IRAG2: variants seen among roughly 807,000 people sequenced by gnomAD.
IRAG2 encodes the protein inositol 1,4,5-triphosphate receptor associated 2, also known as lymphoid restricted membrane protein.
A neutral mutation model predicts 69.9 loss-of-function variants in IRAG2; 45 were observed. The observed-to-expected ratio is 0.64, with a 90% CI of 0.51 to 0.83. The LOEUF (loss-of-function observed/expected upper bound fraction) is 0.83. Among genes scored for constraint, IRAG2 ranks in the 40% least tolerant of loss-of-function variants. The probability of loss-of-function intolerance (pLI) is 0.00; values close to 1 mark genes in which losing one functional copy is unlikely to be tolerated. For missense variants in IRAG2, 520 were observed against 587.0 expected (o/e 0.89, Z 1.18); for synonymous variants, 193 against 202.4 (o/e 0.95, Z 0.40).
intron 14 of IRAG2, chr12:25,092,927 A>C (rs1011588414): frequency 6.4e-6 from 1 of 155,168 alleles, no homozygotes; most frequent in Non-Finnish European, 1.5e-5. Flanking sequence ...TGGTGGCTCT[A>C]ACCAAAGCAG....
upstream of IRAG2, among the ~76,000 whole-genome samples, chr12:25,049,241 C>A (rs905559925): frequency 2.0e-5 from 3 of 152,072 alleles, no homozygotes; most frequent in Non-Finnish European, 4.4e-5. Context: ...TTTTTTGATT[C>A]CATATGAATT....
intron 2 of IRAG2, among the ~76,000 whole-genome samples, chr12:25,006,989 G>A (rs1222069119): frequency 6.6e-6 from 1 of 152,168 alleles, no homozygotes; most frequent in African/African-American, 2.4e-5. Flanking sequence ...CTGTTTCCCT[G>A]AGTAACCATT....
chr12:25,084,507 T>C (rs1947439575), intron 10 of IRAG2, among the ~76,000 whole-genome samples: 1 of 151,970 alleles, frequency 6.6e-6, no homozygotes, highest in Non-Finnish European at 1.5e-5. Flanking sequence ...GCTTATGTCT[T>C]GCTTATGTCT....
At chr12:25,069,492 A>G (rs779630074) in intron 6 of IRAG2, 61 bp downstream of exon 6, 75 of 1,389,920 alleles carry the variant, frequency 5.4e-5, no homozygotes, top group African/African-American at 1.1e-4. Flanking sequence ...TTCTTCTTCT[A>G]TGGGTATTCT....
chr12:25,037,409 C>G (rs1171906658), intron 15 of IRAG2, among the ~76,000 whole-genome samples: 1 of 152,096 alleles, frequency 6.6e-6, no homozygotes, highest in Non-Finnish European at 1.5e-5. Flanking sequence ...AGTGATTCTC[C>G]TGCCTCAGAC....
intron 8 of IRAG2, among the ~76,000 whole-genome samples, chr12:25,025,666 CA>C (rs1278510733): frequency 1.3e-5 from 2 of 152,110 alleles, no homozygotes; most frequent in Non-Finnish European, 2.9e-5. Context: ...GCAGGAAGAC[CA>C]ATTAAGAGGT....
At chr12:25,042,503 G>C (rs1296525260) in intron 16 of IRAG2, among the ~76,000 whole-genome samples, 1 of 151,988 alleles carries the variant, frequency 6.6e-6, no homozygotes, top group Non-Finnish European at 1.5e-5. Flanking sequence ...GTCTCGCTCT[G>C]TCGCCAGGGT....
chr12:25,100,746 T>A (rs542593382), intron 15 of IRAG2: 1 of 153,094 alleles, frequency 6.5e-6, no homozygotes, highest in Admixed American at 6.5e-5. Flanking sequence ...GATATCCAAC[T>A]GTATGTAGTC....
At chr12:25,026,187 A>C (rs977255681) in intron 8 of IRAG2, among the ~76,000 whole-genome samples, 6 of 152,168 alleles carry the variant, frequency 3.9e-5, no homozygotes, top group African/African-American at 1.4e-4. Context: ...ATTTAGGTAA[A>C]AGGCAGTATA....
At chr12:25,033,653 C>T (rs1479750823) in intron 12 of IRAG2, 4 of 376,556 alleles carry the variant, frequency 1.1e-5, no homozygotes, top group Non-Finnish European at 1.9e-5. Context: ...TGTATGACCT[C>T]CTAGACTCAC....
At chr12:25,089,999 A>T in intron 13 of IRAG2, 58 bp from the exon 14 acceptor site, 1 of 1,555,414 alleles carries the variant, frequency 6.4e-7, no homozygotes, top group Non-Finnish European at 8.8e-7. Context: ...AAACTGAAAC[A>T]TCTGACCACA....
chr12:25,077,266 A>AATATATATATGATATATATATG (rs57883311), intron 6 of IRAG2, among the ~76,000 whole-genome samples: 2 of 32,866 alleles, frequency 6.1e-5, no homozygotes, highest in African/African-American at 2.0e-4. Flanking sequence ...ATATATATGA[A>AATATATATATGATATATATATG]ATATATATGA....
intron 6 of IRAG2, among the ~76,000 whole-genome samples, chr12:25,072,234 A>G (rs747089109): frequency 4.4e-4 from 67 of 152,218 alleles, no homozygotes; most frequent in Non-Finnish European, 8.4e-4. Flanking sequence ...AAAAAGAAAA[A>G]AAAGAAATAG....
chr12:25,089,332 C>T (rs925305881), intron 11 of IRAG2, among the ~76,000 whole-genome samples: 1 of 152,130 alleles, frequency 6.6e-6, no homozygotes, highest in African/African-American at 2.4e-5. Context: ...AGCAAACATG[C>T]AAATGCAAAG....
chr12:25,094,399 T>A (rs1231582192), intron 14 of IRAG2, among the ~76,000 whole-genome samples: 2 of 152,192 alleles, frequency 1.3e-5, no homozygotes, highest in African/African-American at 4.8e-5. Context: ...TCATATACAT[T>A]TATTTCTGGG....
At chr12:25,043,162 G>A (rs1461681156) in intron 16 of IRAG2, among the ~76,000 whole-genome samples, 1 of 152,190 alleles carries the variant, frequency 6.6e-6, no homozygotes, top group African/African-American at 2.4e-5. Flanking sequence ...TGAATCCTGA[G>A]TGAGAGTGAA....
At chr12:25,053,717 TATAA>T (rs200165781) in intron 1 of IRAG2, among the ~76,000 whole-genome samples, 2,394 of 151,898 alleles carry the variant, frequency 0.016, 59 homozygotes, top group African/African-American at 0.053. Flanking sequence ...GTTCTAGCAG[TATAA>T]ATATTCTTTT....
At chr12:25,026,174 CT>C (rs1257350631) in intron 8 of IRAG2, among the ~76,000 whole-genome samples, 3 of 152,112 alleles carry the variant, frequency 2.0e-5, no homozygotes, top group Admixed American at 2.0e-4. Context: ...TTGCCACCCC[CT>C]GATTTAGGTA....
At position 25,031,670 on chromosome 12, in the gene IRAG2, G is replaced by A. The variant is rs527854306; in HGVS notation, c.1519-472G>A. Among the ~76,000 whole-genome samples, 9 of 152,050 alleles carry A rather than the reference G, an allele frequency of 5.9e-5. No individual in the cohort carries two copies. In the South Asian group the frequency reaches 1.9e-3, roughly 32 times the overall value. ...CGTGTGTGTGTGTGTGTTTGTTTTTGTTTTGTTTTTTTGTTTTGTTTCACT... is the reference window on the plus strand; with the variant it reads ...CGTGTGTGTGTGTGTGTTTGTTTTTATTTTGTTTTTTTGTTTTGTTTCACT... On this transcript the variant is annotated intron_variant, in intron 10 of 38. Transcript: ENST00000636465.
Sources: allele counts gnomAD v4.1 joint callset (sites outside exome capture counted in the v4.1 genomes callset), GRCh38; gene constraint gnomAD v4.1.1; transcripts MANE v1.5; gene names NCBI Gene and HGNC (gene_info 2026-07-23, HGNC 2026-07-21).